Variants in COMMD10 observed in about 807,000 individuals in gnomAD.
COMMD10 encodes the protein COMM domain containing 10.
COMMD10 carries 33 observed loss-of-function variants against 28.9 expected under a neutral mutation model. The observed-to-expected ratio is 1.14, with a 90% CI of 0.87 to 1.53. The LOEUF (loss-of-function observed/expected upper bound fraction) is 1.53. Ranked by LOEUF, COMMD10 falls within the 40% of genes most tolerant of loss-of-function variation. The pLI, the probability that COMMD10 is intolerant of heterozygous loss-of-function variation, is 0.00. For missense variants in COMMD10, 310 were observed against 233.4 expected, an observed-to-expected ratio of 1.33 and a Z score of -2.14; for synonymous variants, 110 against 81.7, an observed-to-expected ratio of 1.35 and a Z score of -1.87.
intron 2 of COMMD10, among the ~76,000 whole-genome samples, chr5:116,090,838 A>G (rs1750270585): frequency 6.6e-6 from 1 of 152,226 alleles, no homozygotes; most frequent in Admixed American, 6.5e-5. Flanking sequence ...CAGGGCTCTG[A>G]TGCTTGTAAT....
At chr5:116,275,620 C>G (rs1006552672) in intron 5 of COMMD10, among the ~76,000 whole-genome samples, 2 of 151,796 alleles carry the variant, frequency 1.3e-5, no homozygotes, top group African/African-American at 2.4e-5. Context: ...ATGTTGAAAA[C>G]AAGTGAAATT....
chr5:116,279,978 G>A (rs1447937829), intron 5 of COMMD10, among the ~76,000 whole-genome samples: 1 of 151,850 alleles, frequency 6.6e-6, no homozygotes, highest in Non-Finnish European at 1.5e-5. Context: ...TAGGTTCTAT[G>A]TATTATCTTG....
At chr5:116,151,070 C>G (rs547539054) in intron 5 of COMMD10, among the ~76,000 whole-genome samples, 48 of 151,208 alleles carry the variant, frequency 3.2e-4, no homozygotes, top group East Asian at 2.7e-3. Flanking sequence ...TGGCATGAAG[C>G]GTTGTTGAAT....
rs374595767 is a variant in COMMD10 at position 116,275,267 on chromosome 5, C to T, written c.511-16250C>T. Among the ~76,000 whole-genome samples, 20 of 151,952 alleles carry T rather than the reference C, an allele frequency of 1.3e-4. 1 individual carries two copies. The South Asian group carries it at 4.1e-3, about 31-fold the overall frequency. ...TTGCTTCTATGCTAGTTCAAGCCAC[C>T]ATCATCACAAATTTAAATTACTAGT... On this transcript the variant is annotated intron_variant, in intron 5 of 6. Coordinates refer to ENST00000274458, the MANE Select transcript of COMMD10 (RefSeq NM_016144.4).
chr5:116,225,353 G>GGTTTTTTTTTTTT (rs143964154), intron 5 of COMMD10, among the ~76,000 whole-genome samples: 1 of 116,512 alleles, frequency 8.6e-6, no homozygotes, highest in African/African-American at 3.4e-5. Flanking sequence ...TTTTTTTGGG[G>GGTTTTTTTTTTTT]ATTTTTTTTT....
intron 5 of COMMD10, among the ~76,000 whole-genome samples, chr5:116,257,891 A>C (rs1750336370): frequency 6.6e-6 from 1 of 151,728 alleles, no homozygotes. Context: ...TCCAAGAATT[A>C]ATACTTAAGC....
At chr5:116,183,722 A>G (rs1449295490) in intron 5 of COMMD10, among the ~76,000 whole-genome samples, 2 of 152,160 alleles carry the variant, frequency 1.3e-5, no homozygotes, top group Non-Finnish European at 2.9e-5. Flanking sequence ...GAATGAATGT[A>G]TAAATATAAA....
At chr5:116,216,039 A>T (rs1749092986) in intron 5 of COMMD10, among the ~76,000 whole-genome samples, 2 of 152,128 alleles carry the variant, frequency 1.3e-5, no homozygotes, top group Non-Finnish European at 2.9e-5. Context: ...ATTTGATATC[A>T]GGGAACAGTT....
rs571572537 is a variant in COMMD10, at chr5:116,239,707, A to T, written c.511-51810A>T. Among the ~76,000 whole-genome samples the T allele has an allele frequency of 7.9e-5, 12 of 152,298 alleles. No homozygotes were observed. In the South Asian group the frequency reaches 1.5e-3, roughly 18 times the overall value. ...ACCAATTAAAAGCCCTGTCATAACT[A>T]TTTAAGCATGTAAGGTGATTTATGA... On this transcript the variant is annotated intron_variant, in intron 5 of 6. Transcript: ENST00000274458.
chr5:116,104,130 G>T (rs1197778671), intron 4 of COMMD10, among the ~76,000 whole-genome samples: 3 of 152,142 alleles, frequency 2.0e-5, no homozygotes, highest in African/African-American at 4.8e-5. Context: ...GGCTATGTGG[G>T]CTCCTTTTGG....
intron 5 of COMMD10, among the ~76,000 whole-genome samples, chr5:116,284,375 T>C (rs1449728919): frequency 6.6e-6 from 1 of 151,814 alleles, no homozygotes; most frequent in African/African-American, 2.4e-5. Context: ...TGTATTTAGA[T>C]AGATATACTT....
At chr5:116,262,023 A>G (rs1045795478) in intron 5 of COMMD10, among the ~76,000 whole-genome samples, 7 of 151,502 alleles carry the variant, frequency 4.6e-5, no homozygotes, top group Non-Finnish European at 1.0e-4. Flanking sequence ...TATTTTTTCC[A>G]CTTTCAGATA....
At chr5:116,171,444 G>C (rs925437423) in intron 5 of COMMD10, among the ~76,000 whole-genome samples, 1 of 152,146 alleles carries the variant, frequency 6.6e-6, no homozygotes, top group Non-Finnish European at 1.5e-5. Flanking sequence ...TCTAGAACCA[G>C]AAATACCATT....
At chr5:116,096,525 T>A (rs1750475081) in intron 4 of COMMD10, among the ~76,000 whole-genome samples, 1 of 152,108 alleles carries the variant, frequency 6.6e-6, no homozygotes, top group East Asian at 1.9e-4. Context: ...GCAGTCACGT[T>A]GTCTGTGAAT....
At chr5:116,140,408 T>C (rs1419877407) in intron 5 of COMMD10, among the ~76,000 whole-genome samples, 2 of 151,772 alleles carry the variant, frequency 1.3e-5, no homozygotes, top group African/African-American at 4.8e-5. Context: ...GGTGCAGATA[T>C]CTCTTTAACA....
At chr5:116,227,226 A>G (rs796450486) in intron 5 of COMMD10, among the ~76,000 whole-genome samples, 12 of 152,176 alleles carry the variant, frequency 7.9e-5, no homozygotes, top group Admixed American at 4.6e-4. Context: ...TCTCATTTCA[A>G]GGCCCTTGAA....
intron 5 of COMMD10, among the ~76,000 whole-genome samples, chr5:116,168,467 G>A (rs542348099): frequency 4.9e-4 from 74 of 152,000 alleles, no homozygotes; most frequent in Admixed American, 1.9e-3. Context: ...TGAACTCAGC[G>A]CTGGACCAAG....
In COMMD10 at chr5:116,134,138, A is replaced by G. The variant is rs755717054; in HGVS notation, c.470A>G (p.Gln157Arg). The G allele has an allele frequency of 6.2e-7, 1 of 1,611,562 alleles. No homozygotes were observed. The highest frequency in any genetic ancestry group is 2.2e-5 in the East Asian group (1 of 44,850). Residue 157 changes from glutamine (Q) to arginine (R), a missense_variant, in exon 5 of 7, where the codon CAA becomes CGA. Transcript: ENST00000274458. ...HSAQAKLKSP[Q>R]AVLQLGVNNE... Reference sequence around the variant, plus strand: ...GCTCAAGCAAAACTAAAATCTCCTCAAGCTGTGTTACAACTCGGAGTGAAC... The same window carrying G: ...GCTCAAGCAAAACTAAAATCTCCTCGAGCTGTGTTACAACTCGGAGTGAAC...
intron 4 of COMMD10, among the ~76,000 whole-genome samples, chr5:116,108,854 A>T (rs983042000): frequency 2.0e-5 from 3 of 152,252 alleles, no homozygotes; most frequent in Admixed American, 6.5e-5. Flanking sequence ...CCTGGTCTGC[A>T]GGTTGTGAAG....
Sources: allele counts gnomAD v4.1 joint callset (sites outside exome capture counted in the v4.1 genomes callset), GRCh38; gene constraint gnomAD v4.1.1; transcripts MANE v1.5; gene names NCBI Gene and HGNC (gene_info 2026-07-23, HGNC 2026-07-21).